FRMD4A: variants seen among roughly 807,000 people sequenced by gnomAD.
The protein encoded by FRMD4A is FERM domain containing 4A.
FRMD4A carries 29 observed loss-of-function variants against 129.1 expected under a neutral mutation model. The ratio of observed to expected loss-of-function variants is 0.22; its 90% CI spans 0.17 to 0.31. The LOEUF (loss-of-function observed/expected upper bound fraction) is 0.31. Among genes scored for constraint, FRMD4A ranks in the 10% least tolerant of loss-of-function variants. The pLI, the probability that FRMD4A is intolerant of heterozygous loss-of-function variation, is 1.00. For synonymous variants in FRMD4A, 634 were observed against 571.6 expected (o/e 1.11, Z -1.56); for missense variants, 1,272 against 1,375.8 (o/e 0.92, Z 1.19).
intron 6 of FRMD4A, among the ~76,000 whole-genome samples, chr10:13,765,877 T>A (rs1374964111): frequency 1.3e-5 from 2 of 152,208 alleles, no homozygotes; most frequent in African/African-American, 2.4e-5. Flanking sequence ...TGCCTTGGGG[T>A]GCACTTGTTA....
chr10:14,236,995 CAAAAAAAAA>C (rs71477244), intron 2 of FRMD4A, among the ~76,000 whole-genome samples: 1,358 of 75,408 alleles, frequency 0.018, 32 homozygotes, highest in African/African-American at 0.054. Context: ...AACAGGTCAG[CAAAAAAAAA>C]AAAAAAAAAA....
At chr10:13,662,537 C>A (rs2082712675) in intron 19 of FRMD4A, among the ~76,000 whole-genome samples, 1 of 152,160 alleles carries the variant, frequency 6.6e-6, no homozygotes, top group African/African-American at 2.4e-5. Context: ...CAGGAGTATT[C>A]TCACATGGTT....
chr10:14,013,002 A>C (rs954042112), intron 2 of FRMD4A, among the ~76,000 whole-genome samples: 5 of 152,160 alleles, frequency 3.3e-5, no homozygotes, highest in Non-Finnish European at 7.3e-5. Context: ...TGTATAATAG[A>C]TGCTGTCGTG....
intron 2 of FRMD4A, among the ~76,000 whole-genome samples, chr10:14,062,231 C>T (rs1441899305): frequency 6.6e-6 from 1 of 152,112 alleles, no homozygotes; most frequent in Non-Finnish European, 1.5e-5. Flanking sequence ...TTAATATTTA[C>T]AGACAGAAAT....
At chr10:14,001,206 C>T (rs1404974324) in intron 2 of FRMD4A, among the ~76,000 whole-genome samples, 1 of 152,164 alleles carries the variant, frequency 6.6e-6, no homozygotes, top group Non-Finnish European at 1.5e-5. Context: ...TGGATCCTAT[C>T]CCCAGAGATT....
chr10:14,178,397 C>T (rs1028843395), intron 2 of FRMD4A, among the ~76,000 whole-genome samples: 1 of 152,174 alleles, frequency 6.6e-6, no homozygotes, highest in Non-Finnish European at 1.5e-5. Context: ...GTGTTAGACA[C>T]TTAAAAGCAC....
At chr10:13,862,036 C>T (rs2094301924) in intron 2 of FRMD4A, among the ~76,000 whole-genome samples, 1 of 152,044 alleles carries the variant, frequency 6.6e-6, no homozygotes, top group Non-Finnish European at 1.5e-5. Flanking sequence ...AACCTAAGGT[C>T]AATAGAGTAA....
At chr10:14,130,552 A>G (rs1839190968) in intron 2 of FRMD4A, among the ~76,000 whole-genome samples, 1 of 152,208 alleles carries the variant, frequency 6.6e-6, no homozygotes, top group African/African-American at 2.4e-5. Flanking sequence ...GACCCAGCCC[A>G]TAGTAAACAT....
At chr10:13,777,341 T>C (rs114606035) in intron 6 of FRMD4A, among the ~76,000 whole-genome samples, 1 of 55,346 alleles carries the variant, frequency 1.8e-5, no homozygotes, top group African/African-American at 5.6e-5. Context: ...ATAGTATATA[T>C]AAAAAATTTA....
At chr10:14,017,687 T>C (rs986108106) in intron 2 of FRMD4A, among the ~76,000 whole-genome samples, 1 of 152,212 alleles carries the variant, frequency 6.6e-6, no homozygotes, top group Non-Finnish European at 1.5e-5. Flanking sequence ...AATGGCTTTC[T>C]TTAGGGCCAT....
At chr10:13,662,883 A>T (rs1054278278) in intron 19 of FRMD4A, among the ~76,000 whole-genome samples, 3 of 152,174 alleles carry the variant, frequency 2.0e-5, no homozygotes, top group African/African-American at 7.2e-5. Context: ...AAAGGAAGCT[A>T]TGCCTAGTGT....
rs913681327 is a variant in FRMD4A, at chr10:14,162,811, A to G, written c.45+167247T>C. On this transcript the variant is annotated intron_variant, in intron 2 of 24. Coordinates refer to ENST00000357447, the MANE Select transcript of FRMD4A (RefSeq NM_018027.5). ...ATAGAGTAAATGTTAATCTCTTTCA[A>G]ATCCACCCAGGATGACGTGCCCAAG... 2.0e-5 allele frequency among the ~76,000 whole-genome samples: 3 copies of G among 152,000 alleles called. No homozygotes were observed. In the South Asian group the frequency reaches 6.2e-4, roughly 32 times the overall value.
At chr10:14,168,228 G>A (rs1325070886) in intron 2 of FRMD4A, among the ~76,000 whole-genome samples, 1 of 152,146 alleles carries the variant, frequency 6.6e-6, no homozygotes, top group African/African-American at 2.4e-5. Flanking sequence ...AACCGGTTCT[G>A]GGGTGGAAGT....
intron 2 of FRMD4A, among the ~76,000 whole-genome samples, chr10:14,282,089 C>T (rs370611053): frequency 7.9e-5 from 12 of 152,198 alleles, no homozygotes; most frequent in African/African-American, 2.6e-4. Flanking sequence ...AGGGGTTTTT[C>T]GTTATAAAAC....
At chr10:14,250,525 C>T (rs1844401787) in intron 2 of FRMD4A, among the ~76,000 whole-genome samples, 1 of 152,190 alleles carries the variant, frequency 6.6e-6, no homozygotes, top group Non-Finnish European at 1.5e-5. Context: ...TGTTTGGTCT[C>T]TCTATTACAA....
intron 2 of FRMD4A, among the ~76,000 whole-genome samples, chr10:14,217,943 G>A (rs573838563): frequency 3.4e-4 from 51 of 152,030 alleles, no homozygotes; most frequent in African/African-American, 1.2e-3. Flanking sequence ...TGATCCTCCT[G>A]CCTCAGCCTC....
intron 2 of FRMD4A, among the ~76,000 whole-genome samples, chr10:13,943,646 C>CAAAAAAAAAAAAAAAAAAA (rs55774636): frequency 1.4e-4 from 8 of 58,264 alleles, no homozygotes; most frequent in Middle Eastern, 0.015. Flanking sequence ...GACTCTGTCT[C>CAAAAAAAAAAAAAAAAAAA]AAAAAAAAAA....
At position 14,330,179 on chromosome 10, in the gene FRMD4A, AG is replaced by A. The variant is rs369345298; in HGVS notation, c.-78del. 4 of 1,455,254 alleles carry A rather than the reference AG, an allele frequency of 2.7e-6. No individual in the cohort carries two copies. The highest frequency in any genetic ancestry group is 1.4e-5 in the African/African-American group (1 of 71,240). 90.1% of individuals were successfully genotyped at this position (1,455,254 alleles called of 1,614,324 possible). On this transcript the variant is annotated 5_prime_UTR_variant, in exon 2 of 25. An upstream open reading frame in the 5' UTR loses its in-frame stop. Transcript: ENST00000357447. ...CCCGGGTGGCTACAGAGCATCCAAAAGCACCTGCAGAAAAAGCAGCCAAAAT... is the reference window on the plus strand; with the variant it reads ...CCCGGGTGGCTACAGAGCATCCAAAACACCTGCAGAAAAAGCAGCCAAAAT...
At chr10:13,750,319 G>C (rs978044734) in intron 8 of FRMD4A, among the ~76,000 whole-genome samples, 2 of 152,162 alleles carry the variant, frequency 1.3e-5, no homozygotes, top group African/African-American at 4.8e-5. Context: ...TAATCAATAA[G>C]CTGAAGGTGT....
Sources: gnomAD v4.1 joint callset for allele counts (sites outside exome capture counted in the v4.1 genomes callset) on GRCh38, gnomAD v4.1.1 for gene constraint, MANE v1.5 for transcripts, NCBI Gene and HGNC (gene_info 2026-07-23, HGNC 2026-07-21) for gene names.